The following VPS13A variants were observed in gnomAD, a reference collection of about 807,000 sequenced individuals.
The protein encoded by VPS13A is intermembrane lipid transfer protein VPS13A.
VPS13A carries 264 observed loss-of-function variants against 390.9 expected under a neutral mutation model. That is an observed-to-expected ratio of 0.68 (90% confidence interval 0.61 to 0.75). The LOEUF is 0.75. VPS13A is among the 30% of genes least tolerant of loss of function. The pLI is 0.00. For synonymous variants in VPS13A, 1,231 were observed against 1,227.1 expected, an observed-to-expected ratio of 1.00 and a Z score of -0.07; for missense variants, 3,409 against 3,733.9, an observed-to-expected ratio of 0.91 and a Z score of 2.27.
At chr9:77,252,609 C>T (rs1475129045) in intron 22 of VPS13A, among the ~76,000 whole-genome samples, 1 of 152,186 alleles carries the variant, frequency 6.6e-6, no homozygotes, top group Non-Finnish European at 1.5e-5. Context: ...CTCTTCCAAA[C>T]TGAAACTCTG....
At chr9:77,264,226 C>T (rs753327749) in intron 23 of VPS13A, among the ~76,000 whole-genome samples, 5 of 152,052 alleles carry the variant, frequency 3.3e-5, no homozygotes, top group South Asian at 2.1e-4. Context: ...AGTCAGGTAG[C>T]GTGATGCCTC....
At position 77,415,529 on chromosome 9, in the gene VPS13A, T is replaced by C. The variant is rs1238412972; in HGVS notation, c.9475-427T>C. Among the ~76,000 whole-genome samples, 3 of 152,196 alleles carry C rather than the reference T, an allele frequency of 2.0e-5. No individual in the cohort carries two copies. The East Asian group carries it at 5.8e-4, about 29-fold the overall frequency. ...TCAAATTATTTTAGAATAGAAAATATATTGTGAGAGCACCTAAAATGCTCA... is the reference window on the plus strand; with the variant it reads ...TCAAATTATTTTAGAATAGAAAATACATTGTGAGAGCACCTAAAATGCTCA... On this transcript the variant is annotated intron_variant, in intron 71 of 71. Coordinates refer to ENST00000360280, the MANE Select transcript of VPS13A (RefSeq NM_033305.3).
At chr9:77,403,401 C>T (rs2131647920) in intron 69 of VPS13A, 80 bp downstream of exon 69, 1 of 1,164,818 alleles carries the variant, frequency 8.6e-7, no homozygotes, top group South Asian at 1.3e-5. Flanking sequence ...TTGTTATTCA[C>T]CTTTTGTTCC....
chr9:77,252,050 G>T (rs1424249196), intron 21 of VPS13A, among the ~76,000 whole-genome samples, 185 bp from the exon 22 acceptor site: 1 of 152,136 alleles, frequency 6.6e-6, no homozygotes, highest in Non-Finnish European at 1.5e-5. Flanking sequence ...TGTAGTGATT[G>T]TCAGTGGATG....
intron 17 of VPS13A, among the ~76,000 whole-genome samples, chr9:77,231,005 A>T (rs1823799717): frequency 6.6e-6 from 1 of 152,178 alleles, no homozygotes; most frequent in South Asian, 2.1e-4. Context: ...GATGATATAA[A>T]TGGAATTGTT....
intron 10 of VPS13A, among the ~76,000 whole-genome samples, chr9:77,214,846 C>G (rs1471943243): frequency 6.6e-6 from 1 of 151,604 alleles, no homozygotes; most frequent in Non-Finnish European, 1.5e-5. Flanking sequence ...AAATGAATTA[C>G]TAAAACAGAA....
chr9:77,279,287 C>T (rs376772336), intron 26 of VPS13A, among the ~76,000 whole-genome samples: 35 of 152,068 alleles, frequency 2.3e-4, no homozygotes, highest in African/African-American at 7.7e-4. Flanking sequence ...GTGGTCTTCC[C>T]CTGAGGTTGG....
chr9:77,295,307 C>T (rs917298688), intron 32 of VPS13A, among the ~76,000 whole-genome samples: 1 of 151,818 alleles, frequency 6.6e-6, no homozygotes, highest in Admixed American at 6.6e-5. Context: ...TCCAGTGATC[C>T]CATTTAGCTT....
At chr9:77,404,264 A>C (rs1834501771) in intron 69 of VPS13A, among the ~76,000 whole-genome samples, 1 of 152,206 alleles carries the variant, frequency 6.6e-6, no homozygotes, top group South Asian at 2.1e-4. Context: ...CTACAGGTAG[A>C]CATACACACA....
In VPS13A at chr9:77,275,613, A is replaced by C. The variant is rs757884146; in HGVS notation, c.2628A>C (p.Val876=). ...TRKLQKQDCS[V]NMTTFKIRFE... Reference sequence around the variant, plus strand: ...AGTTACAAAAGCAGGATTGTTCAGTAAATATGACTACATTTAAAATAAGAT... The same window carrying C: ...AGTTACAAAAGCAGGATTGTTCAGTCAATATGACTACATTTAAAATAAGAT... Residue 876 remains valine, a synonymous_variant, in exon 25 of 72, where the codon GTA becomes GTC. Coordinates refer to ENST00000360280, the MANE Select transcript of VPS13A (RefSeq NM_033305.3). 1.2e-6 allele frequency: 2 copies of C among 1,613,698 alleles called. No homozygotes were observed. Among genetic ancestry groups the C allele is most frequent in the Non-Finnish European group, 8.5e-7 (1 of 1,179,710 alleles).
chr9:77,315,746 A>G (rs1429217842), intron 38 of VPS13A, among the ~76,000 whole-genome samples: 1 of 152,154 alleles, frequency 6.6e-6, no homozygotes, highest in Non-Finnish European at 1.5e-5. Flanking sequence ...GAATTTGTCT[A>G]GTGGAAAAAA....
At chr9:77,367,983 AG>A in intron 61 of VPS13A, 71 bp from the exon 62 acceptor site, 2 of 1,307,552 alleles carry the variant, frequency 1.5e-6, no homozygotes, top group South Asian at 2.5e-5. Context: ...AAGAAAATAA[AG>A]CCACTCATTA....
intron 23 of VPS13A, among the ~76,000 whole-genome samples, chr9:77,260,812 AT>A (rs1825717432): frequency 6.6e-6 from 1 of 152,102 alleles, no homozygotes; most frequent in Non-Finnish European, 1.5e-5. Context: ...TTTTAAAAAA[AT>A]TTTTGTGGCA....
chr9:77,188,179 T>C (rs751874009), intron 1 of VPS13A, among the ~76,000 whole-genome samples: 1 of 152,202 alleles, frequency 6.6e-6, no homozygotes, highest in Non-Finnish European at 1.5e-5. Flanking sequence ...GAAAGCTTCC[T>C]GCGTCCTCCC....
Position 77,416,743 on chromosome 9 carries a change from T to C in VPS13A, c.*737T>C, listed in dbSNP as rs565151672. On this transcript the variant is annotated 3_prime_UTR_variant, in exon 72 of 72. Transcript: ENST00000360280. The stretch of plus-strand genomic sequence containing the variant: ...ATTTCCTCAAGCCTATTTCATGAGA[T>C]CTACTTGGTTTACCCAAGTCATGTT... The C allele has an allele frequency of 6.5e-6, 1 of 152,748 alleles. No homozygotes were observed. Among genetic ancestry groups the C allele is most frequent in the East Asian group, 1.9e-4 (1 of 5,188 alleles). The allele number at this position is 152,748 out of a possible 1,614,324, so 9.5% of individuals were successfully genotyped here. A position where few individuals can be genotyped will look rare whatever the true frequency, so the allele number is the denominator to read the frequency against.
rs758375259 is a variant in VPS13A, at chr9:77,318,580, C to T, written c.5302C>T (p.Leu1768Phe). Residue 1768 changes from leucine (L) to phenylalanine (F), a missense_variant, in exon 41 of 72, where the codon CTT (leucine) becomes TTT (phenylalanine). By Grantham distance (22) the Leu-to-Phe change is conservative. Transcript: ENST00000360280. ...WSSLINLHCQ[L>F]ELEVHYYNEM... ...TTCCCTAATAAATCTGCACTGTCAG[C>T]TTGAGCTAGAAGTAAGCATATTTTT... 4.3e-6 allele frequency: 7 copies of T among 1,613,384 alleles called. No homozygotes were observed. Among genetic ancestry groups the T allele is most frequent in the South Asian group, 2.2e-5 (2 of 91,074 alleles).
At chr9:77,191,057 A>T (rs1313715357) in intron 1 of VPS13A, among the ~76,000 whole-genome samples, 4 of 150,880 alleles carry the variant, frequency 2.7e-5, no homozygotes, top group Admixed American at 6.6e-5. Context: ...TTCAACTCTA[A>T]TTTTGGTTAT....
At chr9:77,407,493 C>T in intron 70 of VPS13A, 40 bp from the exon 71 acceptor site, 1 of 1,528,638 alleles carries the variant, frequency 6.5e-7, no homozygotes, top group South Asian at 1.1e-5. Context: ...TTTTTACAAC[C>T]AGATTATCTT....
rs113957778 is a variant in VPS13A, at chr9:77,330,314, C to T, written c.5992-1696C>T. On this transcript the variant is annotated intron_variant, in intron 45 of 71. Transcript: ENST00000360280. Reference sequence around the variant, plus strand: ...TATAATAGGTGTGAGCCACTGCGCCCACCCACTTTTATACAGACGGATGCT... The same window carrying T: ...TATAATAGGTGTGAGCCACTGCGCCTACCCACTTTTATACAGACGGATGCT... Among the ~76,000 whole-genome samples the T allele has an allele frequency of 2.6e-3, 393 of 152,276 alleles. 1 individual carries two copies. Among genetic ancestry groups the T allele is most frequent in the African/African-American group, 8.7e-3 (360 of 41,552 alleles).
Sources: allele counts gnomAD v4.1 joint callset (sites outside exome capture counted in the v4.1 genomes callset), GRCh38; gene constraint gnomAD v4.1.1; transcripts MANE v1.5; gene names NCBI Gene and HGNC (gene_info 2026-07-23, HGNC 2026-07-21).